SEC14L1: variants seen among roughly 807,000 people sequenced by gnomAD.
SEC14L1 encodes SEC14 like lipid binding 1.
SEC14L1 carries 48 observed loss-of-function variants against 85.3 expected under a neutral mutation model. That is an observed-to-expected ratio of 0.56 (90% CI 0.45 to 0.72). The LOEUF is 0.72. Ranked by LOEUF, SEC14L1 falls within the 30% of genes least tolerant of loss-of-function variation. The pLI is 0.00. For synonymous variants in SEC14L1, 391 were observed against 355.5 expected (o/e 1.10, Z -1.12); for missense variants, 682 against 921.4 (o/e 0.74, Z 3.36).
chr17:77,096,114 CTTG>C (rs1470935657), intron 3 of SEC14L1, among the ~76,000 whole-genome samples: 1 of 142,910 alleles, frequency 7.0e-6, no homozygotes, highest in Non-Finnish European at 1.5e-5. Context: ...CCAGACTGGT[CTTG>C]AACTCCTGGG....
intron 3 of SEC14L1, among the ~76,000 whole-genome samples, chr17:77,115,384 G>A (rs777392701): frequency 1.1e-4 from 16 of 152,074 alleles, no homozygotes; most frequent in South Asian, 6.2e-4. Context: ...AGCTGAGATC[G>A]TGCCATTGCA....
intron 8 of SEC14L1, 120 bp downstream of exon 8, chr17:77,196,431 C>T (rs1975810156): frequency 6.2e-6 from 4 of 642,860 alleles, no homozygotes; most frequent in African/African-American, 5.6e-5. Context: ...ATGTTTCTTC[C>T]AGTTTAGAAG....
intron 4 of SEC14L1, 61 bp downstream of exon 4, chr17:77,191,013 G>C: frequency 6.3e-7 from 1 of 1,594,454 alleles, no homozygotes; most frequent in Admixed American, 1.7e-5. Context: ...GGGCGTCCTG[G>C]TGGGAGAGGG....
intron 3 of SEC14L1, among the ~76,000 whole-genome samples, chr17:77,104,718 G>T (rs143829479): frequency 1.7e-4 from 26 of 150,628 alleles, no homozygotes; most frequent in Non-Finnish European, 2.2e-4. Flanking sequence ...TTGAACCCAG[G>T]GGGTGGAGGT....
chr17:77,203,926 A>G (rs776996668), intron 10 of SEC14L1, among the ~76,000 whole-genome samples: 1 of 151,898 alleles, frequency 6.6e-6, no homozygotes, highest in South Asian at 2.1e-4. Flanking sequence ...ATTCACTCCC[A>G]TGTGGAATTG....
chr17:77,150,389 C>T (rs1320721013), intron 3 of SEC14L1, among the ~76,000 whole-genome samples: 2 of 152,180 alleles, frequency 1.3e-5, no homozygotes, highest in Non-Finnish European at 2.9e-5. Context: ...TCCCCCTCTC[C>T]CTTCCAGATA....
At chr17:77,212,247 G>C in intron 15 of SEC14L1, 46 bp downstream of exon 15, 1 of 1,601,380 alleles carries the variant, frequency 6.2e-7, no homozygotes. Flanking sequence ...ACTCCACACG[G>C]CCAGGTGATT....
At chr17:77,130,375 G>A (rs1972575440) in intron 3 of SEC14L1, among the ~76,000 whole-genome samples, 1 of 151,014 alleles carries the variant, frequency 6.6e-6, no homozygotes, top group African/African-American at 2.4e-5. Context: ...GGAGTGCAGT[G>A]GCGCTGTCTC....
In SEC14L1 at chr17:77,187,370, G is replaced by GCC. The variant is rs111758486; in HGVS notation, c.64-3424_64-3423dup. ...ACAGCCTAGATTCTTACTACCCTAT[G>GCC]CCCCCCCCCCACACCCCTTTTTTCT... On this transcript the variant is annotated intron_variant, in intron 3 of 16. Transcript: ENST00000436233. 7.1e-3 allele frequency among the ~76,000 whole-genome samples: 1,052 copies of GCC among 148,042 alleles called. 11 individuals are homozygous for GCC. Among genetic ancestry groups the GCC allele is most frequent in the African/African-American group, 0.024 (981 of 40,228 alleles).
At chr17:77,171,723 A>G (rs1027165124) in intron 3 of SEC14L1, among the ~76,000 whole-genome samples, 24 of 152,212 alleles carry the variant, frequency 1.6e-4, no homozygotes, top group African/African-American at 5.5e-4. Context: ...AACAGCTCAC[A>G]TGTTTGCGCA....
At chr17:77,181,315 C>G (rs1975026059) in intron 3 of SEC14L1, among the ~76,000 whole-genome samples, 2 of 152,214 alleles carry the variant, frequency 1.3e-5, no homozygotes, top group African/African-American at 4.8e-5. Flanking sequence ...TGGTTTCCCC[C>G]TGAATAGCTT....
chr17:77,138,021 G>A (rs116030260), upstream of SEC14L1, among the ~76,000 whole-genome samples: 1 of 152,068 alleles, frequency 6.6e-6, no homozygotes, highest in African/African-American at 2.4e-5. Flanking sequence ...TTGGTGGGTC[G>A]GGGGAGGCCA....
intron 3 of SEC14L1, among the ~76,000 whole-genome samples, chr17:77,159,062 A>AT (rs1225158963): frequency 7.0e-5 from 10 of 142,676 alleles, no homozygotes; most frequent in Admixed American, 4.9e-4. Flanking sequence ...CAACTGTAGT[A>AT]TTTTTTTTGT....
chr17:77,209,218 G>A, intron 13 of SEC14L1, 124 bp from the exon 14 acceptor site: 1 of 1,167,328 alleles, frequency 8.6e-7, no homozygotes, highest in Non-Finnish European at 1.2e-6. Flanking sequence ...CCCTGCCAGT[G>A]TTTTCCATTT....
chr17:77,165,942 T>G (rs1974260794), intron 3 of SEC14L1, among the ~76,000 whole-genome samples: 1 of 152,206 alleles, frequency 6.6e-6, no homozygotes. Flanking sequence ...TGTTTAGTGT[T>G]TTAAACTGTT....
intron 3 of SEC14L1, among the ~76,000 whole-genome samples, chr17:77,134,426 T>A (rs1254910415): frequency 2.6e-5 from 4 of 152,030 alleles, no homozygotes; most frequent in African/African-American, 9.7e-5. Flanking sequence ...AATTTTAAAT[T>A]TTTTGTTGAG....
At chr17:77,130,848 C>T (rs1437375844) in intron 3 of SEC14L1, among the ~76,000 whole-genome samples, 5 of 152,114 alleles carry the variant, frequency 3.3e-5, no homozygotes, top group African/African-American at 4.8e-5. Context: ...TCAAGGGATC[C>T]GCCCGCCTCG....
chr17:77,186,726 G>T lies in SEC14L1; in HGVS notation c.64-4077G>T, dbSNP rs528915105. 1.1e-3 allele frequency among the ~76,000 whole-genome samples: 162 copies of T among 152,322 alleles called. 1 individual carries two copies. The highest frequency in any genetic ancestry group is 8.5e-4 in the Non-Finnish European group (58 of 68,040). On this transcript the variant is annotated intron_variant, in intron 3 of 16. Coordinates refer to ENST00000436233, the MANE Select transcript of SEC14L1 (RefSeq NM_001143998.2). ...TAGTCCTTCTGGGATCTTGATGGCA[G>T]TATTTGTGATCTGTGTATTACTTCT...
At chr17:77,167,146 C>CTTTTT (rs72037954) in intron 3 of SEC14L1, among the ~76,000 whole-genome samples, 1 of 134,602 alleles carries the variant, frequency 7.4e-6, no homozygotes, top group Non-Finnish European at 1.6e-5. Context: ...TTTCTTTTTC[C>CTTTTT]TTTTTTTTTT....
Sources: allele counts gnomAD v4.1 joint callset (sites outside exome capture counted in the v4.1 genomes callset), GRCh38; gene constraint gnomAD v4.1.1; transcripts MANE v1.5; gene names NCBI Gene and HGNC (gene_info 2026-07-23, HGNC 2026-07-21).